PADI4: variants seen among roughly 807,000 people sequenced by gnomAD.
The protein encoded by PADI4 is peptidyl arginine deiminase 4.
In PADI4, 62 loss-of-function variants were observed where a neutral mutation model predicts 75.0. The ratio of observed to expected loss-of-function variants is 0.83; its 90% CI spans 0.67 to 1.02. The LOEUF (loss-of-function observed/expected upper bound fraction) is 1.02, where lower values mean the gene tolerates loss of function less well. PADI4 is among the 50% of genes least tolerant of loss of function. PADI4 has a pLI of 0.00. For missense variants in PADI4, 845 were observed against 850.5 expected (o/e 0.99, Z 0.08); for synonymous variants, 361 against 348.1 (o/e 1.04, Z -0.41).
rs1557576847 is a variant in PADI4 at position 17,352,048 on chromosome 1, TC to T, written c.1156-2484del. ...AGGGAGGTGATGGGAGGAGAGGCAG[TC>T]AGGGAGGTGATGGGAGGTGGGAAGA... is the stretch of plus-strand genomic sequence containing the variant. On this transcript the variant is annotated intron_variant, in intron 10 of 15. Coordinates refer to ENST00000375448, the MANE Select transcript of PADI4 (RefSeq NM_012387.3). Among the ~76,000 whole-genome samples, 261 of 78,886 alleles carry T rather than the reference TC, an allele frequency of 3.3e-3. 10 individuals are homozygous for T. The highest frequency in any genetic ancestry group is 6.3e-3 in the African/African-American group (103 of 16,432). The allele number at this position is 78,886 out of a possible 152,430, so 51.8% of individuals were successfully genotyped here.
rs186484282 is a variant in PADI4, at chr1:17,313,479, C to T, written c.92+5165C>T. 9.7e-3 allele frequency among the ~76,000 whole-genome samples: 1,072 copies of T among 110,888 alleles called. 7 individuals carry two copies. Among genetic ancestry groups the T allele is most frequent in the South Asian group, 0.021 (71 of 3,310 alleles). The allele number at this position is 110,888 out of a possible 152,430, so 72.7% of individuals were successfully genotyped here. A position where few individuals can be genotyped will look rare whatever the true frequency, so the allele number is the denominator to read the frequency against. On this transcript the variant is annotated intron_variant, in intron 1 of 15. Transcript: ENST00000375448. ...TCATGCCACGGTACTCCAGCCTGGG[C>T]GACAGTGCAAGACCTTGTCAAAAAA...
In PADI4 at chr1:17,346,140, G is replaced by A; in HGVS notation, c.1047+1G>A. The A allele has an allele frequency of 6.3e-7, 1 of 1,598,812 alleles. No individual in the cohort carries two copies. Among genetic ancestry groups the A allele is most frequent in the Non-Finnish European group, 8.6e-7 (1 of 1,166,336 alleles). The stretch of plus-strand genomic sequence containing the variant: ...GAACATGGATGACCAGTGGATGCAG[G>A]TATGTGCCCTGCGGGGCAGGCAGGG... On this transcript the variant is annotated splice_donor_variant, in intron 9 of 15. Transcript: ENST00000375448. LOFTEE classifies it high-confidence loss of function. This position sits in a 1 kb window ranked among gnomAD's most constrained non-coding sequence, Gnocchi z 4.3.
chr1:17,310,368 C>T (rs2100641178), intron 1 of PADI4, among the ~76,000 whole-genome samples: 1 of 152,264 alleles, frequency 6.6e-6, no homozygotes, highest in Non-Finnish European at 1.5e-5. Context: ...ACCTTCCTGT[C>T]ACTTCTTATC....
chr1:17,315,889 C>T (rs963491953), intron 1 of PADI4, among the ~76,000 whole-genome samples: 4 of 151,952 alleles, frequency 2.6e-5, no homozygotes, highest in Non-Finnish European at 4.4e-5. Context: ...TCCCCACCCA[C>T]GGTGACCTCA....
Position 17,356,539 on chromosome 1 carries a change from C to G in PADI4, c.1558+80C>G. ...CCGCTGTTGCCTGGAGGGAATCATC[C>G]AGGCAATAGGGTAGCATCTGAGCAC... On this transcript the variant is annotated intron_variant, in intron 13 of 15. Coordinates refer to ENST00000375448, the MANE Select transcript of PADI4 (RefSeq NM_012387.3). The surrounding 1 kb of genome is among the most constrained non-coding windows in gnomAD (Gnocchi z 4.1). The G allele has an allele frequency of 1.2e-6, 1 of 839,870 alleles. No individual in the cohort carries two copies. The highest frequency in any genetic ancestry group is 2.0e-6 in the Non-Finnish European group (1 of 507,988). 52.0% of individuals were successfully genotyped at this position (839,870 alleles called of 1,614,324 possible). A position where few individuals can be genotyped will look rare whatever the true frequency, so the allele number is the denominator to read the frequency against.
chr1:17,314,893 C>T lies in PADI4; in HGVS notation c.92+6579C>T, dbSNP rs11802787. ...CTGTGCCCTGGCTGGCTGGTGTAGA[C>T]AGACTGGCCTGCTGTGGTATGTGGT... On this transcript the variant is annotated intron_variant, in intron 1 of 15. Transcript: ENST00000375448. Among the ~76,000 whole-genome samples the T allele has an allele frequency of 9.0e-3, 1,375 of 152,302 alleles. 31 individuals carry two copies. The highest frequency in any genetic ancestry group is 0.032 in the African/African-American group (1,311 of 41,566).
intron 2 of PADI4, among the ~76,000 whole-genome samples, chr1:17,331,926 A>G (rs1360917485): frequency 6.6e-6 from 1 of 152,208 alleles, no homozygotes; most frequent in Non-Finnish European, 1.5e-5. Flanking sequence ...TCAAAAAAAC[A>G]AAAGAAAGAA....
chr1:17,359,224 C>T, intron 14 of PADI4, 56 bp from the exon 15 acceptor site: 1 of 606,164 alleles, frequency 1.6e-6, no homozygotes, highest in Non-Finnish European at 2.8e-6. Context: ...CTGTCCCCCA[C>T]CCCCACCCCC....
At chr1:17,347,134 T>C (rs2074531097) in intron 9 of PADI4, among the ~76,000 whole-genome samples, 1 of 152,010 alleles carries the variant, frequency 6.6e-6, no homozygotes, top group African/African-American at 2.4e-5. Flanking sequence ...ATGGGGTTTC[T>C]CCGTGTTGGT....
At chr1:17,338,773 C>G (rs966909441) in intron 5 of PADI4, among the ~76,000 whole-genome samples, 6 of 152,156 alleles carry the variant, frequency 3.9e-5, no homozygotes, top group Admixed American at 2.6e-4. Context: ...AAGGGGGTGG[C>G]TCCGGGGTTG....
chr1:17,353,966 G>C (rs751319550), intron 10 of PADI4, among the ~76,000 whole-genome samples: 6 of 152,114 alleles, frequency 3.9e-5, no homozygotes, highest in African/African-American at 1.4e-4. Flanking sequence ...GTGGCTGGGC[G>C]TGGGGGCTCA....
intron 4 of PADI4, among the ~76,000 whole-genome samples, 172 bp from the exon 5 acceptor site, chr1:17,337,866 G>A (rs1294653677): frequency 6.6e-6 from 1 of 152,128 alleles, no homozygotes; most frequent in African/African-American, 2.4e-5. Flanking sequence ...AGTGAGCCAA[G>A]ATCACGCCAC....
rs148126903 is a variant in PADI4, at chr1:17,331,222, G to A, written c.273+73G>A. ...GCAGCCACACACACTCTGTCCTGCC[G>A]TGATCCACAGCACCAGCCTGGCAGA... On this transcript the variant is annotated intron_variant, in intron 2 of 15. Coordinates refer to ENST00000375448, the MANE Select transcript of PADI4 (RefSeq NM_012387.3). The A allele has an allele frequency of 7.4e-4, 959 of 1,301,634 alleles. 17 individuals are homozygous for A. In the East Asian group the frequency reaches 0.021, roughly 29 times the overall value. The allele number at this position is 1,301,634 out of a possible 1,614,324, so 80.6% of individuals were successfully genotyped here.
Position 17,348,027 on chromosome 1 carries a change from G to C in PADI4, c.1134G>C (p.Glu378Asp). 1 of 1,612,038 alleles carries C rather than the reference G, an allele frequency of 6.2e-7. No individual in the cohort carries two copies. The highest frequency in any genetic ancestry group is 8.5e-7 in the Non-Finnish European group (1 of 1,178,220). Residue 378 changes from glutamate (E) to aspartate (D), a missense_variant, in exon 10 of 16, where the codon GAG (glutamate) becomes GAC (aspartate). By Grantham distance (45) the Glu-to-Asp change is conservative. Coordinates refer to ENST00000375448, the MANE Select transcript of PADI4 (RefSeq NM_012387.3). ...FDSPRNRGLK[E>D]FPIKRVMGPD... ...CTCCAAGGAACAGAGGCCTGAAGGAGTTTCCCATCAAACGCGTGATGGTAC... is the reference window on the plus strand; with the variant it reads ...CTCCAAGGAACAGAGGCCTGAAGGACTTTCCCATCAAACGCGTGATGGTAC...
At chr1:17,363,397 A>G (rs2074873891) in intron 15 of PADI4, 125 bp from the exon 16 acceptor site, 2 of 656,390 alleles carry the variant, frequency 3.0e-6, no homozygotes, top group Admixed American at 2.5e-5. Context: ...TGCTGGGACT[A>G]CAGGTCTGAG....
chr1:17,328,012 T>G (rs2074143049), intron 1 of PADI4, among the ~76,000 whole-genome samples: 1 of 152,114 alleles, frequency 6.6e-6, no homozygotes, highest in Non-Finnish European at 1.5e-5. Context: ...GGTGAATATC[T>G]TTATTTATTT....
In PADI4 at chr1:17,360,291, G is replaced by A. The variant is rs139294904; in HGVS notation, c.1758+883G>A. On this transcript the variant is annotated intron_variant, in intron 15 of 15. Transcript: ENST00000375448. ...GGGTAACAGAGTGAGACTTTGTCTC[G>A]GGAAAAAAAAAAAAAAAGACAGTCA... Among the ~76,000 whole-genome samples, 84 of 146,940 alleles carry A rather than the reference G, an allele frequency of 5.7e-4. 1 individual carries two copies. The East Asian group carries it at 0.011, about 19-fold the overall frequency.
At chr1:17,338,191 T>A in intron 5 of PADI4, 36 bp downstream of exon 5, 11 of 1,344,440 alleles carry the variant, frequency 8.2e-6, no homozygotes, top group South Asian at 1.2e-5. Flanking sequence ...GAAGGGCTTT[T>A]TATAAAGCCC....
At chr1:17,348,110 C>A (rs2074552732) in intron 10 of PADI4, 62 bp downstream of exon 10, 1 of 1,065,838 alleles carries the variant, frequency 9.4e-7, no homozygotes. Flanking sequence ...GAGACTCCCT[C>A]CTTTTAGCCT....
Sources: allele counts gnomAD v4.1 joint callset (sites outside exome capture counted in the v4.1 genomes callset), GRCh38; gene constraint gnomAD v4.1.1; non-coding constraint Gnocchi (gnomAD v3.1); transcripts MANE v1.5; gene names NCBI Gene and HGNC (gene_info 2026-07-23, HGNC 2026-07-21).